Variants in DAB2IP observed in about 807,000 individuals in gnomAD.
The protein encoded by DAB2IP is disabled homolog 2-interacting protein.
A neutral mutation model predicts 107.2 loss-of-function variants in DAB2IP; 28 were observed. That is an observed-to-expected ratio of 0.26 (90% CI 0.19 to 0.36). DAB2IP has a LOEUF of 0.36. DAB2IP is among the 10% of genes least tolerant of loss of function. The pLI, the probability that DAB2IP is intolerant of heterozygous loss-of-function variation, is 1.00. For missense variants in DAB2IP, 1,400 were observed against 1,644.7 expected, an observed-to-expected ratio of 0.85 and a Z score of 2.57; for synonymous variants, 755 against 706.4, an observed-to-expected ratio of 1.07 and a Z score of -1.09.
At chr9:121,756,196 C>A (rs1160613680) in intron 3 of DAB2IP, among the ~76,000 whole-genome samples, 2 of 152,184 alleles carry the variant, frequency 1.3e-5, no homozygotes, top group Admixed American at 6.5e-5. Flanking sequence ...GAGCAGGTGT[C>A]ATCTGCGGTG....
chr9:121,578,944 G>C (rs1214094621), intron 1 of DAB2IP, among the ~76,000 whole-genome samples: 1 of 151,632 alleles, frequency 6.6e-6, no homozygotes, highest in Non-Finnish European at 1.5e-5. Context: ...ACCACTCCCT[G>C]CCCCAAAGCT....
chr9:121,594,421 G>A (rs1830484578), intron 1 of DAB2IP, among the ~76,000 whole-genome samples: 1 of 151,774 alleles, frequency 6.6e-6, no homozygotes, highest in African/African-American at 2.4e-5. Context: ...TATTTTAGTA[G>A]AGATGAGGTT....
chr9:121,582,298 TG>T (rs1830215061), intron 1 of DAB2IP, among the ~76,000 whole-genome samples: 1 of 151,826 alleles, frequency 6.6e-6, no homozygotes, highest in Non-Finnish European at 1.5e-5. Context: ...TGCCTTGAGG[TG>T]GGGGCCAGGC....
chr9:121,779,669 T>C (rs535363718), intron 14 of DAB2IP, among the ~76,000 whole-genome samples: 2 of 152,362 alleles, frequency 1.3e-5, no homozygotes, highest in African/African-American at 4.8e-5. Flanking sequence ...TTCCCAGTGT[T>C]GGTGCGTCAC....
chr9:121,734,642 A>T (rs1357733290), intron 3 of DAB2IP, among the ~76,000 whole-genome samples: 1 of 152,252 alleles, frequency 6.6e-6, no homozygotes, highest in African/African-American at 2.4e-5. Flanking sequence ...ACAAGATATT[A>T]TAACAGTGGG....
chr9:121,773,526 G>A, intron 12 of DAB2IP, 31 bp downstream of exon 12: 1 of 1,450,042 alleles, frequency 6.9e-7, no homozygotes, highest in South Asian at 1.6e-5. Flanking sequence ...GGCAGGGCTG[G>A]GCACTTGGGC....
At position 121,595,693 on chromosome 9, in the gene DAB2IP, C is replaced by T. The variant is rs140178007; in HGVS notation, c.40+28465C>T. On this transcript the variant is annotated intron_variant, in intron 1 of 16. Coordinates refer to the DAB2IP transcript ENST00000259371. ...TGTGAAGCTCCTTCCTATTAAACAT[C>T]TCCCTCTATCCAGAGGTAAAAACTT... 5.1e-3 allele frequency among the ~76,000 whole-genome samples: 771 copies of T among 152,224 alleles called. 3 individuals are homozygous for T. Among genetic ancestry groups the T allele is most frequent in the Non-Finnish European group, 8.4e-3 (573 of 68,008 alleles).
intron 1 of DAB2IP, among the ~76,000 whole-genome samples, chr9:121,664,750 A>C (rs1331876915): frequency 6.6e-6 from 1 of 152,256 alleles, no homozygotes; most frequent in Non-Finnish European, 1.5e-5. Context: ...TCTATGATCC[A>C]TGGCGTAGCA....
chr9:121,698,652 C>A lies in DAB2IP; in HGVS notation c.229-673C>A, dbSNP rs981424602. The stretch of plus-strand genomic sequence containing the variant: ...CAACGGTTCCGGGGAGGGGCCCCAC[C>A]CTGACATCAAGCTACTGCCGCTCTG... On this transcript the variant is annotated intron_variant, in intron 2 of 15. Coordinates refer to ENST00000408936, the Ensembl canonical transcript of DAB2IP. This position sits in a 1 kb window ranked among gnomAD's most constrained non-coding sequence, Gnocchi z 4.1. Among the ~76,000 whole-genome samples, 1 of 152,166 alleles carries A rather than the reference C, an allele frequency of 6.6e-6. No homozygotes were observed. Among genetic ancestry groups the A allele is most frequent in the Non-Finnish European group, 1.5e-5 (1 of 68,024 alleles).
chr9:121,579,175 G>A (rs1358628309), intron 1 of DAB2IP, among the ~76,000 whole-genome samples: 1 of 152,104 alleles, frequency 6.6e-6, no homozygotes, highest in Admixed American at 6.5e-5. Flanking sequence ...GGTTACCCTG[G>A]TACTCCTGTC....
chr9:121,686,611 C>G (rs942683365), intron 2 of DAB2IP, among the ~76,000 whole-genome samples: 25 of 152,248 alleles, frequency 1.6e-4, no homozygotes, highest in Admixed American at 3.3e-4. Flanking sequence ...AGGGATAGTC[C>G]CCCCAACCCA....
At chr9:121,700,332 G>T (rs1336673342) in intron 3 of DAB2IP, among the ~76,000 whole-genome samples, 1 of 152,210 alleles carries the variant, frequency 6.6e-6, no homozygotes, top group South Asian at 2.1e-4. Context: ...GCACTGGGCG[G>T]ACACAGCCTC....
At chr9:121,611,145 G>T (rs749440082) in intron 1 of DAB2IP, among the ~76,000 whole-genome samples, 13 of 152,220 alleles carry the variant, frequency 8.5e-5, no homozygotes, top group Non-Finnish European at 1.6e-4. Context: ...CCGGCTAATT[G>T]TAATTTTTAG....
intron 1 of DAB2IP, among the ~76,000 whole-genome samples, chr9:121,630,108 T>C (rs1055247339): frequency 1.3e-5 from 2 of 152,216 alleles, no homozygotes; most frequent in East Asian, 1.9e-4. Flanking sequence ...GAAATTCTCA[T>C]GTCCTATTAT....
intron 3 of DAB2IP, chr9:121,752,050 G>A (rs776947373): frequency 3.0e-6 from 3 of 984,798 alleles, no homozygotes; most frequent in African/African-American, 1.7e-5. Context: ...GAAGGGTCTC[G>A]GCTGGGGCCG....
chr9:121,586,774 T>C (rs1206652163), intron 1 of DAB2IP, among the ~76,000 whole-genome samples: 2 of 151,840 alleles, frequency 1.3e-5, no homozygotes, highest in African/African-American at 2.4e-5. Context: ...GAGCCATGAT[T>C]GTACCACTGC....
intron 1 of DAB2IP, among the ~76,000 whole-genome samples, chr9:121,627,229 G>C (rs143134319): frequency 6.4e-4 from 98 of 151,962 alleles, no homozygotes; most frequent in Non-Finnish European, 9.9e-4. Context: ...AGTATCCGAT[G>C]CATCTTCACC....
chr9:121,643,678 C>T (rs1000601381), intron 1 of DAB2IP, among the ~76,000 whole-genome samples: 2 of 152,086 alleles, frequency 1.3e-5, no homozygotes. Context: ...CCAGTGTCTC[C>T]TCCTCCAGGC....
At chr9:121,632,887 C>T (rs570500702) in intron 1 of DAB2IP, among the ~76,000 whole-genome samples, 2 of 152,302 alleles carry the variant, frequency 1.3e-5, no homozygotes, top group South Asian at 2.1e-4. Context: ...TGGGATTTTG[C>T]AGGAGCAGCT....
Sources: allele counts gnomAD v4.1 joint callset (sites outside exome capture counted in the v4.1 genomes callset), GRCh38; gene constraint gnomAD v4.1.1; non-coding constraint Gnocchi (gnomAD v3.1); transcripts MANE v1.5; gene names NCBI Gene and HGNC (gene_info 2026-07-23, HGNC 2026-07-21).